The following NMU variants were observed in gnomAD, a reference collection of about 807,000 sequenced individuals.
NMU encodes neuromedin-U.
Under a neutral mutation model 35.4 loss-of-function variants are expected in NMU, and 29 were observed. That is an observed-to-expected ratio of 0.82 (90% CI 0.61 to 1.12). The LOEUF (loss-of-function observed/expected upper bound fraction) is 1.12, where lower values mean the gene tolerates loss of function less well. Ranked by LOEUF, NMU falls within the 50% of genes most tolerant of loss-of-function variation. The pLI is 0.00. For missense variants in NMU, 199 were observed against 206.2 expected, an observed-to-expected ratio of 0.97 and a Z score of 0.21; for synonymous variants, 78 against 81.3, an observed-to-expected ratio of 0.96 and a Z score of 0.22.
chr4:55,603,027 T>G (rs908247028), intron 7 of NMU, among the ~76,000 whole-genome samples: 1 of 152,182 alleles, frequency 6.6e-6, no homozygotes, highest in Admixed American at 6.5e-5. Context: ...AGATGGAGTC[T>G]TGCTCTGTCA....
intron 9 of NMU, among the ~76,000 whole-genome samples, chr4:55,598,842 T>C (rs1457000189): frequency 1.3e-5 from 2 of 152,174 alleles, no homozygotes; most frequent in Non-Finnish European, 1.5e-5. Flanking sequence ...ATAAGATCAA[T>C]GTCTACAAAA....
rs1259293778 is a variant in NMU, at chr4:55,603,957, G to GTA, written c.435+1316_435+1317dup. On this transcript the variant is annotated intron_variant, in intron 7 of 9. Transcript: ENST00000264218. Reference sequence around the variant, plus strand: ...TATATATATATATATGTATATATGTGTATATATATACGTATATATGTATAT... The same window carrying GTA: ...TATATATATATATATGTATATATGTGTATATATATATACGTATATATGTATAT... Among the ~76,000 whole-genome samples the GTA allele has an allele frequency of 2.0e-5, 2 of 101,062 alleles. 1 individual carries two copies. The highest frequency in any genetic ancestry group is 6.6e-5 in the African/African-American group (2 of 30,262). 66.3% of individuals were successfully genotyped at this position (101,062 alleles called of 152,430 possible). A position where few individuals can be genotyped will look rare whatever the true frequency, so the allele number is the denominator to read the frequency against.
At chr4:55,608,705 CTT>C (rs3840303) in intron 4 of NMU, among the ~76,000 whole-genome samples, 3 of 145,814 alleles carry the variant, frequency 2.1e-5, no homozygotes, top group African/African-American at 2.5e-5. Context: ...ATACAGTTTG[CTT>C]TTTTTTTTTG....
Position 55,603,987 on chromosome 4 carries a change from GTA to G in NMU, c.435+1286_435+1287del, listed in dbSNP as rs766405512. On this transcript the variant is annotated intron_variant, in intron 7 of 9. Coordinates refer to ENST00000264218, the MANE Select transcript of NMU (RefSeq NM_006681.4). ...TATATACGTATATATGTATATATGTGTATATATATACGTATATATGTATATAT... is the reference window on the plus strand; with the variant it reads ...TATATACGTATATATGTATATATGTGTATATATACGTATATATGTATATAT... Among the ~76,000 whole-genome samples the G allele has an allele frequency of 1.6e-4, 20 of 125,874 alleles. 3 individuals carry two copies. The highest frequency in any genetic ancestry group is 8.3e-4 in the East Asian group (4 of 4,848). The allele number at this position is 125,874 out of a possible 152,430, so 82.6% of individuals were successfully genotyped here. A position where few individuals can be genotyped will look rare whatever the true frequency, so the allele number is the denominator to read the frequency against.
intron 1 of NMU, among the ~76,000 whole-genome samples, chr4:55,634,649 C>G (rs187177821): frequency 6.6e-6 from 1 of 152,290 alleles, no homozygotes; most frequent in East Asian, 1.9e-4. Flanking sequence ...ATAGCAAAGT[C>G]AGTTTTCAAA....
rs761551866 is a variant in NMU at position 55,607,362 on chromosome 4, G to A, written c.310-14C>T. ...ATGAAATAAGAACTGTTTAAAAAAAGCAGTAAGTTTTACTATAAAAATTAA... is the reference window on the plus strand; with the variant it reads ...ATGAAATAAGAACTGTTTAAAAAAAACAGTAAGTTTTACTATAAAAATTAA... On this transcript the variant is annotated splice_polypyrimidine_tract_variant and intron_variant, in intron 5 of 9. Transcript: ENST00000264218. 4 of 1,584,122 alleles carry A rather than the reference G, an allele frequency of 2.5e-6. No individual in the cohort carries two copies. The highest frequency in any genetic ancestry group is 3.3e-5 in the Admixed American group (2 of 59,850).
intron 2 of NMU, among the ~76,000 whole-genome samples, chr4:55,619,831 C>A (rs1366960012): frequency 7.0e-6 from 1 of 143,738 alleles, no homozygotes. Flanking sequence ...AACTGGCAGA[C>A]TGCCTCCTCA....
chr4:55,619,020 C>T (rs942562366), intron 2 of NMU, among the ~76,000 whole-genome samples: 5 of 151,896 alleles, frequency 3.3e-5, no homozygotes, highest in Non-Finnish European at 5.9e-5. Flanking sequence ...CAGGCAAGCA[C>T]CACCATGCCT....
chr4:55,632,221 G>C (rs1263910825), intron 1 of NMU, among the ~76,000 whole-genome samples: 2 of 152,164 alleles, frequency 1.3e-5, no homozygotes, highest in Admixed American at 6.5e-5. Context: ...CCACTCGGAT[G>C]ATGGGTGCCC....
chr4:55,607,807 A>G (rs1733753313), intron 4 of NMU, among the ~76,000 whole-genome samples: 1 of 152,264 alleles, frequency 6.6e-6, no homozygotes, highest in South Asian at 2.1e-4. Context: ...GACTGAAAGA[A>G]TCACATGCAA....
intron 2 of NMU, among the ~76,000 whole-genome samples, chr4:55,627,589 A>T (rs183429356): frequency 1.3e-5 from 2 of 152,246 alleles, no homozygotes; most frequent in East Asian, 3.9e-4. Flanking sequence ...ATAAATTTAG[A>T]GTGTATTTTT....
chr4:55,630,538 C>T lies in NMU; in HGVS notation c.113-78G>A, dbSNP rs369855653. 180 of 1,124,616 alleles carry T rather than the reference C, an allele frequency of 1.6e-4. No homozygotes were observed. The African/African-American group carries it at 1.9e-3, about 12-fold the overall frequency. The allele number at this position is 1,124,616 out of a possible 1,614,324, so 69.7% of individuals were successfully genotyped here. ...TAAATATCCATATATAATTCTTTCT[C>T]GCACACTTTCTTCATTTTTCACTGT... On this transcript the variant is annotated intron_variant, in intron 1 of 9. Coordinates refer to ENST00000264218, the MANE Select transcript of NMU (RefSeq NM_006681.4).
intron 1 of NMU, 69 bp from the exon 2 acceptor site, chr4:55,630,529 AT>A: frequency 8.2e-7 from 1 of 1,218,412 alleles, no homozygotes; most frequent in Middle Eastern, 2.5e-4. Flanking sequence ...TCCATATATA[AT>A]TCTTTCTCGC....
chr4:55,624,046 G>C (rs1382731777), intron 2 of NMU, among the ~76,000 whole-genome samples: 4 of 117,356 alleles, frequency 3.4e-5, no homozygotes, highest in Non-Finnish European at 5.3e-5. Context: ...TTAAATGTTA[G>C]ACCTAAAACC....
chr4:55,616,248 G>T, intron 3 of NMU, 90 bp downstream of exon 3: 3 of 879,266 alleles, frequency 3.4e-6, no homozygotes, highest in East Asian at 2.4e-5. Flanking sequence ...ATGTTTTCAC[G>T]AACACATAAA....
At chr4:55,597,584 T>A (rs1733240150) in intron 9 of NMU, among the ~76,000 whole-genome samples, 1 of 152,180 alleles carries the variant, frequency 6.6e-6, no homozygotes, top group Admixed American at 6.5e-5. Context: ...GTCAGGCTGG[T>A]CAGGCTCCCG....
chr4:55,625,169 TAAAAAAA>T (rs760890031), intron 2 of NMU, among the ~76,000 whole-genome samples: 2 of 98,344 alleles, frequency 2.0e-5, no homozygotes, highest in Non-Finnish European at 3.8e-5. Flanking sequence ...AAAGTATAAT[TAAAAAAA>T]AAAAAAAAAA....
At chr4:55,603,928 T>A (rs938472694) in intron 7 of NMU, among the ~76,000 whole-genome samples, 2,096 of 25,752 alleles carry the variant, frequency 0.081, 261 homozygotes, top group African/African-American at 0.18. Flanking sequence ...AAAAAAAAAA[T>A]ATATATATAT....
At chr4:55,635,904 G>C (rs1340876948) in intron 1 of NMU, among the ~76,000 whole-genome samples, 177 bp downstream of exon 1, 2 of 152,240 alleles carry the variant, frequency 1.3e-5, no homozygotes, top group East Asian at 3.9e-4. Flanking sequence ...TACGTCGCTA[G>C]TTGCCCTGGG....
Sources: gnomAD v4.1 joint callset for allele counts (sites outside exome capture counted in the v4.1 genomes callset) on GRCh38, gnomAD v4.1.1 for gene constraint, MANE v1.5 for transcripts, NCBI Gene and HGNC (gene_info 2026-07-23, HGNC 2026-07-21) for gene names.